Variants in RBMS3 observed in about 807,000 individuals in gnomAD.
RBMS3 encodes RNA binding motif single stranded interacting protein 3.
RBMS3 carries 27 observed loss-of-function variants against 66.8 expected under a neutral mutation model. That is an observed-to-expected ratio of 0.40 (90% confidence interval 0.30 to 0.56). The LOEUF (loss-of-function observed/expected upper bound fraction) is 0.56, where lower values mean the gene tolerates loss of function less well. RBMS3 is among the 20% of genes least tolerant of loss of function. The pLI is 0.40. For synonymous variants in RBMS3, 188 were observed against 183.0 expected (o/e 1.03, Z -0.22); for missense variants, 513 against 549.5 (o/e 0.93, Z 0.66).
intron 1 of RBMS3, among the ~76,000 whole-genome samples, chr3:29,322,003 T>C (rs1448818025): frequency 6.6e-6 from 1 of 152,192 alleles, no homozygotes; most frequent in African/African-American, 2.4e-5. Context: ...ATAATGAGAC[T>C]GTACAAGAAT....
At chr3:29,382,227 GA>G (rs1165695516) in intron 1 of RBMS3, among the ~76,000 whole-genome samples, 1 of 151,904 alleles carries the variant, frequency 6.6e-6, no homozygotes, top group East Asian at 1.9e-4. Context: ...CAAAAACAAT[GA>G]AAATTTCATT....
chr3:29,994,301 T>G (rs1025393166), intron 14 of RBMS3, among the ~76,000 whole-genome samples: 13 of 152,190 alleles, frequency 8.5e-5, no homozygotes, highest in African/African-American at 3.1e-4. Flanking sequence ...TCTCGCTGAT[T>G]GCTAGCACAG....
chr3:29,839,920 T>C lies in RBMS3; in HGVS notation c.638-28938T>C, dbSNP rs567193501. 3.9e-5 allele frequency among the ~76,000 whole-genome samples: 6 copies of C among 152,190 alleles called. No individual in the cohort carries two copies. In the East Asian group the frequency reaches 9.6e-4, roughly 24 times the overall value. On this transcript the variant is annotated intron_variant, in intron 6 of 14. Coordinates refer to ENST00000383767, the MANE Select transcript of RBMS3 (RefSeq NM_001003793.3). ...AAAGATTTTCAATATATAATCTTAC[T>C]ATAAAAATTTTATCTATAACATTTA... is the stretch of plus-strand genomic sequence containing the variant.
intron 10 of RBMS3, among the ~76,000 whole-genome samples, chr3:29,918,987 G>C (rs958791589): frequency 2.6e-5 from 4 of 151,746 alleles, no homozygotes; most frequent in Non-Finnish European, 5.9e-5. Flanking sequence ...CAAGCAAAAA[G>C]CTTTATCTTT....
At chr3:29,991,856 A>T (rs1276384785) in intron 14 of RBMS3, 1 of 152,206 alleles carries the variant, frequency 6.6e-6, no homozygotes, top group Non-Finnish European at 1.5e-5. Flanking sequence ...ATGTCGATGA[A>T]AAAGGGTATT....
At position 29,473,578 on chromosome 3, in the gene RBMS3, G is replaced by A. The variant is rs543765889; in HGVS notation, c.249-14863G>A. ...GGGGTGGCGCTCGTTGGGGAGGCTC[G>A]GGTGCACAGGAGCCCACGGAGGAGG... On this transcript the variant is annotated intron_variant, in intron 2 of 14. Transcript: ENST00000383767. Among the ~76,000 whole-genome samples the A allele has an allele frequency of 9.8e-4, 149 of 152,310 alleles. 1 individual carries two copies. The highest frequency in any genetic ancestry group is 3.4e-3 in the Middle Eastern group (1 of 294).
chr3:29,710,611 A>G (rs74682072), intron 4 of RBMS3, among the ~76,000 whole-genome samples: 1 of 152,334 alleles, frequency 6.6e-6, no homozygotes, highest in Non-Finnish European at 1.5e-5. Context: ...AAGGAATAGA[A>G]TCAGCTTCAA....
chr3:29,499,445 C>A (rs962927773), intron 3 of RBMS3, among the ~76,000 whole-genome samples: 11 of 152,072 alleles, frequency 7.2e-5, no homozygotes, highest in East Asian at 3.8e-4. Context: ...GTGAATGTAC[C>A]ACTTGATATG....
At chr3:29,973,441 G>C (rs1349725913) in intron 12 of RBMS3, among the ~76,000 whole-genome samples, 1 of 151,982 alleles carries the variant, frequency 6.6e-6, no homozygotes, top group Non-Finnish European at 1.5e-5. Flanking sequence ...AAGGAGAAAT[G>C]AGTTCTCCAG....
At chr3:29,934,798 T>C (rs1324303830) in intron 10 of RBMS3, among the ~76,000 whole-genome samples, 1 of 152,050 alleles carries the variant, frequency 6.6e-6, no homozygotes, top group Non-Finnish European at 1.5e-5. Context: ...TGAAAATTAA[T>C]GGGGAGGAGC....
intron 4 of RBMS3, among the ~76,000 whole-genome samples, chr3:29,596,908 C>T (rs1223678586): frequency 6.6e-6 from 1 of 152,060 alleles, no homozygotes; most frequent in Non-Finnish European, 1.5e-5. Context: ...TTTTTGTGAC[C>T]TCAAACTGAA....
chr3:29,868,966 T>G lies in RBMS3; in HGVS notation c.744+2T>G. ...AGGCCTTGGCCCAGGGAAGGAGAGG[T>G]GAGTCCTGACTGATAACATTTGCTC... On this transcript the variant is annotated splice_donor_variant, in intron 7 of 14. Coordinates refer to ENST00000383767, the MANE Select transcript of RBMS3 (RefSeq NM_001003793.3). LOFTEE classifies it high-confidence loss of function. 1 of 1,586,832 alleles carries G rather than the reference T, an allele frequency of 6.3e-7. No homozygotes were observed. The highest frequency in any genetic ancestry group is 8.6e-7 in the Non-Finnish European group (1 of 1,164,418).
At position 29,911,983 on chromosome 3, in the gene RBMS3, C is replaced by CTAGA. The variant is rs3072653; in HGVS notation, c.939+12247_939+12250dup. On this transcript the variant is annotated intron_variant, in intron 10 of 14. Transcript: ENST00000383767. ...AAATGGAGAAACACATACATAATAG[C>CTAGA]TAGATAGATAGATAGATAGATAAAT... 2.9e-3 allele frequency among the ~76,000 whole-genome samples: 413 copies of CTAGA among 141,646 alleles called. 5 individuals are homozygous for CTAGA. The highest frequency in any genetic ancestry group is 9.5e-3 in the South Asian group (42 of 4,414). 92.9% of individuals were successfully genotyped at this position (141,646 alleles called of 152,430 possible).
At chr3:29,863,686 C>A (rs906900856) in intron 6 of RBMS3, among the ~76,000 whole-genome samples, 3 of 152,050 alleles carry the variant, frequency 2.0e-5, no homozygotes, top group African/African-American at 7.2e-5. Context: ...GAAAATCTCA[C>A]CCTATGACTT....
At chr3:29,407,499 A>G (rs1240178403) in intron 1 of RBMS3, among the ~76,000 whole-genome samples, 1 of 152,240 alleles carries the variant, frequency 6.6e-6, no homozygotes, top group Admixed American at 6.5e-5. Context: ...TAGTCAAGGC[A>G]GCTACATTAT....
intron 6 of RBMS3, among the ~76,000 whole-genome samples, chr3:29,801,107 G>A (rs1375461551): frequency 4.6e-5 from 7 of 151,894 alleles, no homozygotes. Flanking sequence ...CTATAGGCTA[G>A]TATGAAGAAG....
intron 6 of RBMS3, among the ~76,000 whole-genome samples, chr3:29,818,239 C>T (rs1161557654): frequency 6.6e-6 from 1 of 151,962 alleles, no homozygotes; most frequent in Admixed American, 6.6e-5. Context: ...AGTTGTGTAA[C>T]TTTTCTCTTC....
chr3:29,763,087 T>G, intron 6 of RBMS3, 98 bp downstream of exon 6: 1 of 754,172 alleles, frequency 1.3e-6, no homozygotes. Flanking sequence ...CACTGCAGAG[T>G]TGGGGGGTTT....
At chr3:29,535,710 C>CTTTTTT (rs149022808) in intron 3 of RBMS3, among the ~76,000 whole-genome samples, 2,320 of 39,816 alleles carry the variant, frequency 0.058, 690 homozygotes, top group East Asian at 0.1. Flanking sequence ...GATCATTGCT[C>CTTTTTT]TTTTTTTTTT....
Sources: gnomAD v4.1 joint callset for allele counts (sites outside exome capture counted in the v4.1 genomes callset) on GRCh38, gnomAD v4.1.1 for gene constraint, MANE v1.5 for transcripts, NCBI Gene and HGNC (gene_info 2026-07-23, HGNC 2026-07-21) for gene names.